Variants in ISG20L2 observed in about 807,000 individuals in gnomAD.
ISG20L2 encodes the protein interferon-stimulated 20 kDa exonuclease-like 2.
ISG20L2 carries 14 observed loss-of-function variants against 27.8 expected under a neutral mutation model. That is an observed-to-expected ratio of 0.50 (90% CI 0.33 to 0.79). The LOEUF is 0.79. ISG20L2 is among the 30% of genes least tolerant of loss of function. The pLI is 0.02. For synonymous variants in ISG20L2, 157 were observed against 165.7 expected (o/e 0.95, Z 0.40); for missense variants, 393 against 435.1 (o/e 0.90, Z 0.86).
intron 1 of ISG20L2, 66 bp from the exon 2 acceptor site, chr1:156,727,835 T>C (rs1648869065): frequency 4.2e-6 from 6 of 1,423,282 alleles, no homozygotes; most frequent in Admixed American, 2.9e-5. Context: ...GTAAGCTCGA[T>C]CTCCGTAGGA....
rs763098277 is a variant in ISG20L2 at position 156,727,683 on chromosome 1, G to A, written c.-31C>T. On this transcript the variant is annotated 5_prime_UTR_variant, in exon 2 of 4. Transcript: ENST00000368219. Reference sequence around the variant, plus strand: ...CAATGGAAGGCGGAAGAGTAGTTGGGAAGAGTGGCTTATGGATGAAAAGAG... The same window carrying A: ...CAATGGAAGGCGGAAGAGTAGTTGGAAAGAGTGGCTTATGGATGAAAAGAG... The A allele has an allele frequency of 1.1e-5, 17 of 1,591,514 alleles. No homozygotes were observed. Among genetic ancestry groups the A allele is most frequent in the Non-Finnish European group, 1.3e-5 (15 of 1,171,940 alleles).
rs1198668763 is a variant in ISG20L2 at position 156,722,040 on chromosome 1, T to G, written c.*1309A>C. 2 of 152,192 alleles carry G rather than the reference T, an allele frequency of 1.3e-5. No homozygotes were observed. Among genetic ancestry groups the G allele is most frequent in the Non-Finnish European group, 2.9e-5 (2 of 68,038 alleles). The allele number at this position is 152,192 out of a possible 1,614,324, so 9.4% of individuals were successfully genotyped here. ...TGGGGCCTAAATGAAATAAACCCCC[T>G]ATTACCTTAGGAAAGAGACAGCTTT... is the stretch of plus-strand genomic sequence containing the variant. On this transcript the variant is annotated 3_prime_UTR_variant, in exon 4 of 4. Coordinates refer to ENST00000368219, the MANE Select transcript of ISG20L2 (RefSeq NM_001370150.2).
rs752231565 is a variant in ISG20L2, at chr1:156,722,605, CTT to C, written c.*742_*743del. On this transcript the variant is annotated 3_prime_UTR_variant, in exon 4 of 4. Coordinates refer to ENST00000368219, the MANE Select transcript of ISG20L2 (RefSeq NM_001370150.2). ...TATTAACCAACCAGGTTAATAAATT[CTT>C]TTTTTTTTTTTTTGGAGACGGAGTC... The C allele has an allele frequency of 5.6e-4, 71 of 125,886 alleles. No individual in the cohort carries two copies. Among genetic ancestry groups the C allele is most frequent in the Admixed American group, 8.0e-4 (10 of 12,440 alleles). The allele number at this position is 125,886 out of a possible 1,614,324, so 7.8% of individuals were successfully genotyped here. A position where few individuals can be genotyped will look rare whatever the true frequency, so the allele number is the denominator to read the frequency against.
At chr1:156,725,118 A>G (rs1181386966) in intron 2 of ISG20L2, 2 of 152,004 alleles carry the variant, frequency 1.3e-5, no homozygotes, top group Non-Finnish European at 2.9e-5. Context: ...TGCCTGGCTA[A>G]GTTTTGTATT....
At chr1:156,728,121 T>C (rs1648893195) in intron 1 of ISG20L2, 1 of 990,376 alleles carries the variant, frequency 1.0e-6, no homozygotes, top group African/African-American at 1.7e-5. Flanking sequence ...GAAAGGAACA[T>C]CTAGGTATGC....
intron 2 of ISG20L2, chr1:156,726,236 A>G (rs1648752399): frequency 1.0e-6 from 1 of 985,172 alleles, no homozygotes. Flanking sequence ...GCCCCAGGCT[A>G]CTTTTTGCTT....
At position 156,726,969 on chromosome 1, in the gene ISG20L2, C is replaced by G. The variant is rs764001113; in HGVS notation, c.684G>C (p.Arg228Ser). 1.9e-5 allele frequency: 31 copies of G among 1,614,242 alleles called. No individual in the cohort carries two copies. Among genetic ancestry groups the G allele is most frequent in the Non-Finnish European group, 2.4e-5 (28 of 1,180,046 alleles). Residue 228 changes from arginine to serine, a missense_variant, in exon 2 of 4, where the codon AGG becomes AGC. By Grantham distance (110) the Arg-to-Ser change is moderately radical. Coordinates refer to ENST00000368219, the MANE Select transcript of ISG20L2 (RefSeq NM_001370150.2). ...TGTGCTGCTTCCGGATACCACTCCA[C>G]CTGGTTCGGTAGTCCACAATGTGGC... Reference protein sequence around the residue: ...PPCHIVDYRTRWSGIRKQHMV... With the variant: ...PPCHIVDYRTSWSGIRKQHMV...
At chr1:156,726,200 T>A in intron 2 of ISG20L2, 1 of 985,414 alleles carries the variant, frequency 1.0e-6, no homozygotes, top group Non-Finnish European at 1.2e-6. Context: ...TTCTGCCCTC[T>A]CTTACCACCA....
intron 2 of ISG20L2, chr1:156,725,580 T>C (rs966804885): frequency 1.3e-5 from 2 of 152,340 alleles, no homozygotes; most frequent in Admixed American, 1.3e-4. Flanking sequence ...CTTAGTCTCA[T>C]AACCCCAGCT....
In ISG20L2 at chr1:156,727,355, A is replaced by C. The variant is rs1175744387; in HGVS notation, c.298T>G (p.Trp100Gly). The C allele has an allele frequency of 6.8e-6, 11 of 1,614,030 alleles. No homozygotes were observed. Among genetic ancestry groups the C allele is most frequent in the Non-Finnish European group, 8.5e-6 (10 of 1,180,020 alleles). ...QPLDKKAAVS[W>G]LTPAPSKKAD... Reference sequence around the variant, plus strand: ...TTTTTTGAAGGGGCAGGGGTCAACCAAGACACTGCAGCTTTCTTGTCCAGG... The same window carrying C: ...TTTTTTGAAGGGGCAGGGGTCAACCCAGACACTGCAGCTTTCTTGTCCAGG... Residue 100 changes from tryptophan (W) to glycine (G), a missense_variant, in exon 2 of 4, where the codon TGG becomes GGG. Transcript: ENST00000368219.
intron 2 of ISG20L2, 52 bp downstream of exon 2, chr1:156,726,854 T>G: frequency 6.4e-7 from 1 of 1,565,700 alleles, no homozygotes. Context: ...AAAAATGATT[T>G]AGACCTCTCT....
intron 2 of ISG20L2, chr1:156,725,846 G>A: frequency 1.0e-6 from 1 of 983,104 alleles, no homozygotes; most frequent in Non-Finnish European, 1.2e-6. Flanking sequence ...TTCTAAAATA[G>A]TCAGTCACCT....
chr1:156,727,884 G>C lies in ISG20L2; in HGVS notation c.-117-115C>G, dbSNP rs538711077. The C allele has an allele frequency of 5.4e-6, 7 of 1,292,992 alleles. No homozygotes were observed. In the East Asian group the frequency reaches 1.5e-4, roughly 28 times the overall value. 80.1% of individuals were successfully genotyped at this position (1,292,992 alleles called of 1,614,324 possible). Reference sequence around the variant, plus strand: ...AGACATCAGAGCAATCTCTCAGACAGAGGGGAAATGAAAACATAACATGAA... The same window carrying C: ...AGACATCAGAGCAATCTCTCAGACACAGGGGAAATGAAAACATAACATGAA... On this transcript the variant is annotated intron_variant, in intron 1 of 3. Transcript: ENST00000368219.
At chr1:156,724,458 C>T in intron 2 of ISG20L2, 110 bp from the exon 3 acceptor site, 1 of 1,384,480 alleles carries the variant, frequency 7.2e-7, no homozygotes, top group Non-Finnish European at 9.6e-7. Context: ...TCACCAACTG[C>T]CTACCTCTCC....
Position 156,723,272 on chromosome 1 carries a change from G to A in ISG20L2, c.*77C>T. On this transcript the variant is annotated 3_prime_UTR_variant, in exon 4 of 4. Transcript: ENST00000368219. ...CTTCCAAAGATGTGGAGCTGGTGGAGCTGTCCATTGGTCCACTGCCCTGTT... is the reference window on the plus strand; with the variant it reads ...CTTCCAAAGATGTGGAGCTGGTGGAACTGTCCATTGGTCCACTGCCCTGTT... 1 of 1,543,942 alleles carries A rather than the reference G, an allele frequency of 6.5e-7. No individual in the cohort carries two copies. Among genetic ancestry groups the A allele is most frequent in the Non-Finnish European group, 8.9e-7 (1 of 1,123,540 alleles).
intron 2 of ISG20L2, chr1:156,725,133 G>T (rs1162887275): frequency 6.6e-6 from 1 of 152,114 alleles, no homozygotes; most frequent in Non-Finnish European, 1.5e-5. Flanking sequence ...TGTATTTTTA[G>T]TAGAGACGGA....
intron 3 of ISG20L2, 84 bp from the exon 4 acceptor site, chr1:156,723,546 C>A: frequency 1.3e-6 from 2 of 1,572,016 alleles, no homozygotes; most frequent in East Asian, 2.3e-5. Context: ...TCCTCTTCCC[C>A]CTGCCTCCGC....
rs549623342 is a variant in ISG20L2, at chr1:156,727,063, G to A, written c.590C>T (p.Ser197Phe). Residue 197 changes from serine (S) to phenylalanine (F), a missense_variant, in exon 2 of 4, where the codon TCC (serine) becomes TTC (phenylalanine). Ser to Phe is a radical substitution (Grantham distance 155). This residue lies in a region of ISG20L2 where 39 missense variants were observed against 71.6 expected (regional missense o/e 0.54). Coordinates refer to ENST00000368219, the MANE Select transcript of ISG20L2 (RefSeq NM_001370150.2). The part of the protein sequence containing the change: ...VGTGPKGHVS[S>F]LARCSIVNYN... Reference sequence around the variant, plus strand: ...GTTGACAATGCTACATCGAGCCAAGGAACTAACATGCCCCTTTGGTCCTGT... The same window carrying A: ...GTTGACAATGCTACATCGAGCCAAGAAACTAACATGCCCCTTTGGTCCTGT... The A allele has an allele frequency of 4.3e-6, 7 of 1,614,170 alleles. No individual in the cohort carries two copies. The African/African-American group carries it at 6.7e-5, about 15-fold the overall frequency.
rs1648918699 is a variant in ISG20L2, at chr1:156,728,449, CG to C, written c.-153del. ...GGGTCCAGCTAAGACCGGAAGCGTC[CG>C]GAGCCGGATGCGGAAATCGGTGCGC... On this transcript the variant is annotated 5_prime_UTR_variant, in exon 1 of 4. Transcript: ENST00000368219. 3.0e-6 allele frequency: 3 copies of C among 985,644 alleles called. No individual in the cohort carries two copies. Among genetic ancestry groups the C allele is most frequent in the Non-Finnish European group, 3.6e-6 (3 of 829,988 alleles). The allele number at this position is 985,644 out of a possible 1,614,324, so 61.1% of individuals were successfully genotyped here.
Sources: allele counts gnomAD v4.1 joint callset, GRCh38; gene constraint gnomAD v4.1.1; regional missense constraint gnomAD v4.1.1; transcripts MANE v1.5; gene names NCBI Gene and HGNC (gene_info 2026-07-23, HGNC 2026-07-21).